SLC16A9: variants seen among roughly 807,000 people sequenced by gnomAD.
SLC16A9 encodes solute carrier family 16 member 9, also known as monocarboxylate transporter 9.
A neutral mutation model predicts 44.3 loss-of-function variants in SLC16A9; 26 were observed. The observed-to-expected ratio is 0.59, with a 90% CI of 0.43 to 0.81. The LOEUF (loss-of-function observed/expected upper bound fraction) is 0.81, where lower values mean the gene tolerates loss of function less well. SLC16A9 is among the 40% of genes least tolerant of loss of function. SLC16A9 has a pLI of 0.00. For missense variants in SLC16A9, 559 were observed against 595.8 expected (o/e 0.94, Z 0.64); for synonymous variants, 230 against 225.1 (o/e 1.02, Z -0.19).
intron 2 of SLC16A9, among the ~76,000 whole-genome samples, chr10:59,678,833 G>A (rs1839923988): frequency 6.6e-6 from 1 of 151,802 alleles, no homozygotes; most frequent in Admixed American, 6.6e-5. Flanking sequence ...GTGAGCCACC[G>A]CGCCCGGCCA....
intron 1 of SLC16A9, chr10:59,708,629 A>G (rs1840695456): frequency 6.6e-6 from 1 of 152,242 alleles, no homozygotes; most frequent in African/African-American, 2.4e-5. Flanking sequence ...TATTTAGCGT[A>G]AATCCTGACT....
At chr10:59,695,156 T>G (rs189497883) in intron 1 of SLC16A9, among the ~76,000 whole-genome samples, 1 of 151,974 alleles carries the variant, frequency 6.6e-6, no homozygotes, top group East Asian at 1.9e-4. Flanking sequence ...CTGGGAGGTT[T>G]TGGGGTAGGG....
intron 1 of SLC16A9, among the ~76,000 whole-genome samples, chr10:59,708,095 G>A (rs930058936): frequency 6.6e-6 from 1 of 152,190 alleles, no homozygotes; most frequent in Non-Finnish European, 1.5e-5. Flanking sequence ...AAAATTGCAG[G>A]TTAAATTATT....
At chr10:59,675,522 G>T (rs959992048) in intron 2 of SLC16A9, among the ~76,000 whole-genome samples, 2 of 152,194 alleles carry the variant, frequency 1.3e-5, no homozygotes, top group Non-Finnish European at 2.9e-5. Flanking sequence ...ACCAGGGGAA[G>T]AGAGTCTCCC....
At chr10:59,693,241 T>C (rs1480590379) in intron 1 of SLC16A9, among the ~76,000 whole-genome samples, 1 of 152,226 alleles carries the variant, frequency 6.6e-6, no homozygotes, top group Non-Finnish European at 1.5e-5. Flanking sequence ...ACCTAAACTG[T>C]CAAGTAAATC....
At position 59,652,551 on chromosome 10, in the gene SLC16A9, T is replaced by G; in HGVS notation, c.*221A>C. ...CAGCAAAACAGAATAGTCCCATTGATGGTGTGGGGAGGAGAAATAGAAAAA... is the reference window on the plus strand; with the variant it reads ...CAGCAAAACAGAATAGTCCCATTGAGGGTGTGGGGAGGAGAAATAGAAAAA... On this transcript the variant is annotated 3_prime_UTR_variant, in exon 6 of 6. Transcript: ENST00000395348. The G allele has an allele frequency of 2.4e-6, 1 of 408,284 alleles. No homozygotes were observed. 25.3% of individuals were successfully genotyped at this position (408,284 alleles called of 1,614,324 possible). A position where few individuals can be genotyped will look rare whatever the true frequency, so the allele number is the denominator to read the frequency against.
At chr10:59,694,367 A>G (rs909844021) in intron 1 of SLC16A9, among the ~76,000 whole-genome samples, 6 of 152,242 alleles carry the variant, frequency 3.9e-5, no homozygotes, top group African/African-American at 1.4e-4. Context: ...ATTGAAAGTA[A>G]GAAAAGAAAA....
At chr10:59,655,302 A>G (rs1839325324) in intron 4 of SLC16A9, among the ~76,000 whole-genome samples, 1 of 152,180 alleles carries the variant, frequency 6.6e-6, no homozygotes, top group African/African-American at 2.4e-5. Flanking sequence ...CAAGCAAACA[A>G]ACAAACAAAA....
chr10:59,674,652 G>T (rs1459496910), intron 2 of SLC16A9, among the ~76,000 whole-genome samples: 1 of 152,218 alleles, frequency 6.6e-6, no homozygotes, highest in Non-Finnish European at 1.5e-5. Flanking sequence ...ATGTCTGACA[G>T]CATAAGGCAT....
intron 1 of SLC16A9, among the ~76,000 whole-genome samples, chr10:59,707,346 G>GGGGAA (rs1472653711): frequency 3.8e-5 from 5 of 130,542 alleles, no homozygotes; most frequent in African/African-American, 1.5e-4. Flanking sequence ...GGGGAAGGGA[G>GGGGAA]GGGAAGGGAA....
rs1436348233 is a variant in SLC16A9, at chr10:59,660,510, TA to T, written c.436+3716del. ...GCTCTGAAATTGAGGCAGTGATTAATAGCCTACCAACCCAAAAAAATGCCCA... is the reference window on the plus strand; with the variant it reads ...GCTCTGAAATTGAGGCAGTGATTAATGCCTACCAACCCAAAAAAATGCCCA... On this transcript the variant is annotated intron_variant, in intron 4 of 5. Transcript: ENST00000395348. 3.3e-5 allele frequency among the ~76,000 whole-genome samples: 5 copies of T among 152,292 alleles called. 1 individual carries two copies. The East Asian group carries it at 9.6e-4, about 29-fold the overall frequency.
intron 3 of SLC16A9, among the ~76,000 whole-genome samples, chr10:59,671,021 A>G (rs1839737852): frequency 6.6e-6 from 1 of 152,198 alleles, no homozygotes; most frequent in Admixed American, 6.5e-5. Context: ...CTTGCTTGAC[A>G]TCATTTAGTC....
chr10:59,709,746 C>G lies in SLC16A9; in HGVS notation c.-304G>C, dbSNP rs1359675468. ...CGGCCACATGGAGCTGGGGAGCCGG[C>G]CCCCTTCTCTGAGCTCCACCTTCTC... On this transcript the variant is annotated 5_prime_UTR_variant, in exon 1 of 6. Transcript: ENST00000395348. 3.3e-5 allele frequency: 5 copies of G among 152,496 alleles called. No individual in the cohort carries two copies. The highest frequency in any genetic ancestry group is 1.5e-5 in the Non-Finnish European group (1 of 68,392). The allele number at this position is 152,496 out of a possible 1,614,324, so 9.4% of individuals were successfully genotyped here. A position where few individuals can be genotyped will look rare whatever the true frequency, so the allele number is the denominator to read the frequency against.
intron 3 of SLC16A9, among the ~76,000 whole-genome samples, chr10:59,667,056 T>C (rs1255168696): frequency 6.6e-6 from 1 of 152,178 alleles, no homozygotes; most frequent in Non-Finnish European, 1.5e-5. Flanking sequence ...TGATATTTTT[T>C]GATATTTTTT....
At chr10:59,656,634 G>A (rs1006329673) in intron 4 of SLC16A9, among the ~76,000 whole-genome samples, 6 of 152,096 alleles carry the variant, frequency 3.9e-5, no homozygotes, top group Non-Finnish European at 7.4e-5. Context: ...GTTTCCTGGT[G>A]GAATTTTGTA....
At chr10:59,660,019 A>G (rs1344450670) in intron 4 of SLC16A9, among the ~76,000 whole-genome samples, 1 of 152,228 alleles carries the variant, frequency 6.6e-6, no homozygotes, top group East Asian at 1.9e-4. Flanking sequence ...AGGAAAATTT[A>G]TAGCACTAAA....
chr10:59,671,855 T>C (rs935069565), intron 3 of SLC16A9, among the ~76,000 whole-genome samples: 11 of 152,194 alleles, frequency 7.2e-5, no homozygotes, highest in African/African-American at 2.7e-4. Flanking sequence ...TCACTTTCCC[T>C]CTCTGTAAAA....
Position 59,658,894 on chromosome 10 carries a change from T to C in SLC16A9, c.437-4305A>G, listed in dbSNP as rs112888350. On this transcript the variant is annotated intron_variant, in intron 4 of 5. Coordinates refer to ENST00000395348, the MANE Select transcript of SLC16A9 (RefSeq NM_194298.3). ...CACTGGGTTGGCCTCAGGAATAAAA[T>C]ATTAGTTTGGATCCTGTTGCCAGAA... 5.6e-3 allele frequency among the ~76,000 whole-genome samples: 846 copies of C among 152,276 alleles called. 10 individuals are homozygous for C. The highest frequency in any genetic ancestry group is 0.019 in the African/African-American group (805 of 41,540).
intron 3 of SLC16A9, among the ~76,000 whole-genome samples, chr10:59,669,727 C>G (rs1839701459): frequency 6.6e-6 from 1 of 152,014 alleles, no homozygotes; most frequent in Admixed American, 6.6e-5. Context: ...TCCCAGCTTA[C>G]TCGGGAGGCT....
Sources: gnomAD v4.1 joint callset for allele counts (sites outside exome capture counted in the v4.1 genomes callset) on GRCh38, gnomAD v4.1.1 for gene constraint, MANE v1.5 for transcripts, NCBI Gene and HGNC (gene_info 2026-07-23, HGNC 2026-07-21) for gene names.